NECAB3: variants seen among roughly 807,000 people sequenced by gnomAD.
NECAB3 encodes N-terminal EF-hand calcium-binding protein 3.
NECAB3 carries 38 observed loss-of-function variants against 57.2 expected under a neutral mutation model. The observed-to-expected ratio is 0.66, with a 90% CI of 0.51 to 0.87. The LOEUF is 0.87. Ranked by LOEUF, NECAB3 falls within the 40% of genes least tolerant of loss-of-function variation. The probability of loss-of-function intolerance (pLI) is 0.00; values close to 1 mark genes in which losing one functional copy is unlikely to be tolerated. For missense variants in NECAB3, 474 were observed against 527.5 expected (o/e 0.90, Z 0.99); for synonymous variants, 223 against 222.6 (o/e 1.00, Z -0.02).
chr20:33,665,318 A>G (rs1251281973), intron 5 of NECAB3: 1 of 152,292 alleles, frequency 6.6e-6, no homozygotes, highest in East Asian at 1.9e-4. Flanking sequence ...TACTAAAAAT[A>G]CAAAAAACTA....
chr20:33,657,729 G>A lies in NECAB3; in HGVS notation c.*100C>T. 6.2e-6 allele frequency: 8 copies of A among 1,296,264 alleles called. No individual in the cohort carries two copies. Among genetic ancestry groups the A allele is most frequent in the Admixed American group, 5.9e-5 (2 of 33,996 alleles). 80.3% of individuals were successfully genotyped at this position (1,296,264 alleles called of 1,614,324 possible). A position where few individuals can be genotyped will look rare whatever the true frequency, so the allele number is the denominator to read the frequency against. ...GCCCTTCCACCAGGCCCAAGTCCAGGAGGAGACAAGTCCTGGTCTTTGCGC... is the reference window on the plus strand; with the variant it reads ...GCCCTTCCACCAGGCCCAAGTCCAGAAGGAGACAAGTCCTGGTCTTTGCGC... On this transcript the variant is annotated 3_prime_UTR_variant, in exon 12 of 12. Transcript: ENST00000246190.
At chr20:33,667,448 A>G (rs779606378) in intron 5 of NECAB3, 217 of 1,415,830 alleles carry the variant, frequency 1.5e-4, no homozygotes, top group Non-Finnish European at 1.9e-4. Context: ...GCGGGCCGCG[A>G]AAGGGTGGCG....
At chr20:33,663,855 C>T in intron 5 of NECAB3, 2 of 1,402,566 alleles carry the variant, frequency 1.4e-6, no homozygotes, top group Non-Finnish European at 1.8e-6. Context: ...GCTGCCCTCG[C>T]CCGCAGCTTT....
At chr20:33,667,958 C>T (rs745795580) in intron 5 of NECAB3, 9 of 1,551,760 alleles carry the variant, frequency 5.8e-6, no homozygotes, top group Non-Finnish European at 6.1e-6. Flanking sequence ...ATGCCCAAAA[C>T]GCTGCGGACA....
At chr20:33,673,721 C>T (rs963356535) in intron 1 of NECAB3, among the ~76,000 whole-genome samples, 1 of 152,070 alleles carries the variant, frequency 6.6e-6, no homozygotes, top group South Asian at 2.1e-4. Flanking sequence ...GGAGAAAGGG[C>T]TCAGGGCCGT....
intron 5 of NECAB3, chr20:33,669,040 C>A: frequency 3.3e-6 from 1 of 304,824 alleles, no homozygotes; most frequent in South Asian, 3.9e-5. Context: ...TTGTGATGGG[C>A]CAGCAACTAA....
chr20:33,667,713 G>A, intron 5 of NECAB3: 1 of 1,612,070 alleles, frequency 6.2e-7, no homozygotes, highest in South Asian at 1.1e-5. Flanking sequence ...AGCAGGCCCT[G>A]CCCCGCAAGG....
At position 33,667,984 on chromosome 20, in the gene NECAB3, G is replaced by T. The variant is rs1187204270; in HGVS notation, c.387+1391C>A. 5 of 1,548,268 alleles carry T rather than the reference G, an allele frequency of 3.2e-6. No individual in the cohort carries two copies. In the African/African-American group the frequency reaches 5.5e-5, roughly 17 times the overall value. ...GCTGCGGACACGCCTGGCAGACACC[G>T]TGGTGCTAGCCGGCGGCTCCACACT... On this transcript the variant is annotated intron_variant, in intron 5 of 11. Coordinates refer to ENST00000246190, the MANE Select transcript of NECAB3 (RefSeq NM_031232.4).
At position 33,658,895 on chromosome 20, in the gene NECAB3, T is replaced by TG; in HGVS notation, c.880-62dup. ...CCGGGCACAGGGGAGGGACTGGCTG[T>TG]GGCCTCCAGGAGGTTCTCAGCTGTT... On this transcript the variant is annotated intron_variant, in intron 8 of 11. Coordinates refer to ENST00000246190, the MANE Select transcript of NECAB3 (RefSeq NM_031232.4). 2 of 1,230,788 alleles carry TG rather than the reference T, an allele frequency of 1.6e-6. 1 individual carries two copies. The highest frequency in any genetic ancestry group is 2.4e-6 in the Non-Finnish European group (2 of 844,778). 76.2% of individuals were successfully genotyped at this position (1,230,788 alleles called of 1,614,324 possible).
At position 33,660,355 on chromosome 20, in the gene NECAB3, C is replaced by A. The variant is rs768857790; in HGVS notation, c.428G>T (p.Arg143Leu). The change falls in exon 6 of 12, where the codon CGC (arginine) becomes CTC (leucine). Residue 143 changes from arginine to leucine, a missense_variant. By Grantham distance (102) the Arg-to-Leu change is moderately radical. Coordinates refer to ENST00000246190, the MANE Select transcript of NECAB3 (RefSeq NM_031232.4). The surrounding 1 kb of genome is among the most constrained non-coding windows in gnomAD (Gnocchi z 4.1). ...RASKVDQFVT[R>L]FLLRETVSQL... is the part of the protein sequence containing the mutation. Reference sequence around the variant, plus strand: ...GCTCACCGTCTCCCGCAGCAGGAAGCGCGTCACAAACTGGTCCACTTTGGA... The same window carrying A: ...GCTCACCGTCTCCCGCAGCAGGAAGAGCGTCACAAACTGGTCCACTTTGGA... 2 of 1,613,524 alleles carry A rather than the reference C, an allele frequency of 1.2e-6. No individual in the cohort carries two copies. Among genetic ancestry groups the A allele is most frequent in the Non-Finnish European group, 1.7e-6 (2 of 1,180,000 alleles).
intron 1 of NECAB3, 140 bp downstream of exon 1, chr20:33,674,084 G>C: frequency 1.1e-6 from 1 of 928,224 alleles, no homozygotes; most frequent in Non-Finnish European, 1.4e-6. Flanking sequence ...CACAAGGGCA[G>C]AAAGGTCAAG....
At position 33,660,408 on chromosome 20, in the gene NECAB3, G is replaced by A. The variant is rs532626348; in HGVS notation, c.388-13C>T. The A allele has an allele frequency of 1.9e-5, 31 of 1,611,846 alleles. 1 individual carries two copies. In the East Asian group the frequency reaches 4.0e-4, roughly 21 times the overall value. ...CCCTCTCGTACTCCTGTGGGCCAAG[G>A]AGGGACGGTCAGCATCTCCCAGCCC... On this transcript the variant is annotated splice_polypyrimidine_tract_variant and intron_variant, in intron 5 of 11. Transcript: ENST00000246190. The surrounding 1 kb of genome is among the most constrained non-coding windows in gnomAD (Gnocchi z 4.1).
chr20:33,658,873 G>A (rs962973483), intron 8 of NECAB3, 39 bp from the exon 9 acceptor site: 15 of 1,503,140 alleles, frequency 1.0e-5, no homozygotes, highest in Non-Finnish European at 1.3e-5. Flanking sequence ...TGCGGGGCCG[G>A]GCACAGGGGA....
At chr20:33,658,614 G>A in intron 9 of NECAB3, 60 bp from the exon 10 acceptor site, 1 of 1,605,694 alleles carries the variant, frequency 6.2e-7, no homozygotes, top group Non-Finnish European at 8.5e-7. Context: ...TGCCTCCCCG[G>A]CCTGGGGCCT....
intron 7 of NECAB3, 75 bp from the exon 8 acceptor site, chr20:33,659,807 A>C: frequency 6.5e-7 from 1 of 1,531,282 alleles, no homozygotes; most frequent in Non-Finnish European, 8.8e-7. Context: ...AGTGAGGGGC[A>C]GTGAAGGAGC....
intron 5 of NECAB3, chr20:33,661,964 G>A (rs1568894454): frequency 6.1e-6 from 1 of 164,656 alleles, no homozygotes; most frequent in Non-Finnish European, 1.3e-5. Flanking sequence ...TTTAACCTTT[G>A]TAACAATTTA....
upstream of NECAB3, chr20:33,674,746 C>T (rs2017918776): frequency 6.6e-6 from 1 of 152,392 alleles, no homozygotes; most frequent in African/African-American, 2.4e-5. Flanking sequence ...AAAAATGGTA[C>T]TGGCAGACAC....
intron 1 of NECAB3, 42 bp from the exon 2 acceptor site, chr20:33,672,464 TGGGAAGCCAGAGGC>T: frequency 6.2e-7 from 1 of 1,613,018 alleles, no homozygotes. Context: ...GAGTGCCACC[TGGGAAGCCAGAGGC>T]CCCCACTCAA....
At chr20:33,667,938 G>T in intron 5 of NECAB3, 2 of 1,556,026 alleles carry the variant, frequency 1.3e-6, no homozygotes, top group African/African-American at 1.4e-5. Flanking sequence ...CCTTCCGGGC[G>T]CTGCAGAAGA....
Sources: allele counts gnomAD v4.1 joint callset (sites outside exome capture counted in the v4.1 genomes callset), GRCh38; gene constraint gnomAD v4.1.1; non-coding constraint Gnocchi (gnomAD v3.1); transcripts MANE v1.5; gene names NCBI Gene and HGNC (gene_info 2026-07-23, HGNC 2026-07-21).